The following FNBP1 variants were observed in gnomAD, a reference collection of about 807,000 sequenced individuals.
The protein encoded by FNBP1 is formin-binding protein 1.
Under a neutral mutation model 90.6 loss-of-function variants are expected in FNBP1, and 26 were observed. The ratio of observed to expected loss-of-function variants is 0.29; its 90% CI spans 0.21 to 0.40. FNBP1 has a LOEUF of 0.40. Among genes scored for constraint, FNBP1 ranks in the 10% least tolerant of loss-of-function variants. The pLI, the probability that FNBP1 is intolerant of heterozygous loss-of-function variation, is 1.00. For missense variants in FNBP1, 635 were observed against 768.0 expected (o/e 0.83, Z 2.05); for synonymous variants, 260 against 265.2 (o/e 0.98, Z 0.19).
chr9:130,042,987 C>A lies in FNBP1; in HGVS notation c.-12G>T. The A allele has an allele frequency of 2.4e-6, 3 of 1,225,326 alleles. No individual in the cohort carries two copies. The highest frequency in any genetic ancestry group is 3.0e-6 in the Non-Finnish European group (3 of 983,640). 75.9% of individuals were successfully genotyped at this position (1,225,326 alleles called of 1,614,324 possible). ...GTGCCCCAGCTCATGGTGCAGGGGA[C>A]GCGAAGGGGCGCTCCGCGCGGCGGG... On this transcript the variant is annotated 5_prime_UTR_variant, in exon 1 of 17. Coordinates refer to ENST00000446176, the MANE Select transcript of FNBP1 (RefSeq NM_015033.3). The surrounding 1 kb of genome is among the most constrained non-coding windows in gnomAD (Gnocchi z 5.5).
chr9:129,955,832 C>T (rs966921498), intron 6 of FNBP1, among the ~76,000 whole-genome samples: 5 of 37,468 alleles, frequency 1.3e-4, no homozygotes, highest in African/African-American at 4.2e-4. Flanking sequence ...CTTCTTTTAG[C>T]GCGCACACAC....
chr9:130,017,798 C>A lies in FNBP1; in HGVS notation c.25-22840G>T, dbSNP rs1333342834. 5.3e-5 allele frequency among the ~76,000 whole-genome samples: 8 copies of A among 150,580 alleles called. No homozygotes were observed. In the East Asian group the frequency reaches 1.6e-3, roughly 30 times the overall value. ...TGAGCTAAGATCGCACTACTGCACT[C>A]CAGCCCGGGTGACAGAGTGAGACTC... On this transcript the variant is annotated intron_variant, in intron 1 of 16. Coordinates refer to ENST00000446176, the MANE Select transcript of FNBP1 (RefSeq NM_015033.3).
intron 1 of FNBP1, among the ~76,000 whole-genome samples, chr9:130,005,551 A>C (rs186262679): frequency 4.1e-4 from 63 of 152,076 alleles, no homozygotes; most frequent in Admixed American, 2.3e-3. Flanking sequence ...CCATGTTAGC[A>C]AGGATGGTCT....
At chr9:129,949,728 C>CA (rs113422076) in intron 6 of FNBP1, among the ~76,000 whole-genome samples, 13,554 of 141,140 alleles carry the variant, frequency 0.096, 788 homozygotes, top group African/African-American at 0.18. Context: ...ACAAACAAAA[C>CA]AAAAAAAAAA....
chr9:129,972,523 C>T (rs1443976730), intron 4 of FNBP1, among the ~76,000 whole-genome samples: 2 of 150,964 alleles, frequency 1.3e-5, no homozygotes, highest in East Asian at 1.9e-4. Context: ...AAACATGCTC[C>T]GTTTTCTTTT....
chr9:130,002,108 C>T (rs1013372223), intron 1 of FNBP1, among the ~76,000 whole-genome samples: 2 of 150,060 alleles, frequency 1.3e-5, no homozygotes, highest in African/African-American at 4.9e-5. Flanking sequence ...GCAGGAGAAT[C>T]GCTTGAACCT....
upstream of FNBP1, among the ~76,000 whole-genome samples, chr9:130,046,775 C>A (rs1416490042): frequency 1.0e-3 from 87 of 83,110 alleles, no homozygotes; most frequent in African/African-American, 2.3e-3. Flanking sequence ...GACTTTATCT[C>A]AAAAAAAAAA....
intron 8 of FNBP1, among the ~76,000 whole-genome samples, chr9:129,926,776 C>T (rs2041983789): frequency 6.6e-6 from 1 of 151,706 alleles, no homozygotes; most frequent in Non-Finnish European, 1.5e-5. Context: ...GTCCCAGCTA[C>T]TCAGGAGGCT....
chr9:129,890,717 G>T lies in FNBP1; in HGVS notation c.1847-171C>A, dbSNP rs965831722. Among the ~76,000 whole-genome samples, 41 of 152,310 alleles carry T rather than the reference G, an allele frequency of 2.7e-4. No homozygotes were observed. The highest frequency in any genetic ancestry group is 7.2e-4 in the African/African-American group (30 of 41,568). Reference sequence around the variant, plus strand: ...AGAGCAATCGGTTACCACAGGGCGGGTCTGAGATGAGGAACTTTCACGGTT... The same window carrying T: ...AGAGCAATCGGTTACCACAGGGCGGTTCTGAGATGAGGAACTTTCACGGTT... On this transcript the variant is annotated intron_variant, in intron 16 of 16. Transcript: ENST00000446176. This position sits in a 1 kb window ranked among gnomAD's most constrained non-coding sequence, Gnocchi z 5.8.
At chr9:129,951,692 G>A (rs1313260265) in intron 6 of FNBP1, among the ~76,000 whole-genome samples, 1 of 151,600 alleles carries the variant, frequency 6.6e-6, no homozygotes, top group Non-Finnish European at 1.5e-5. Context: ...CGATCCTCCC[G>A]CCTTGGCCTT....
chr9:129,976,635 C>A lies in FNBP1; in HGVS notation c.345+1830G>T, dbSNP rs1468990672. 3.3e-5 allele frequency among the ~76,000 whole-genome samples: 5 copies of A among 152,164 alleles called. No individual in the cohort carries two copies. In the East Asian group the frequency reaches 9.6e-4, roughly 29 times the overall value. ...TTGTCCCAGGCAGGTCCTAATCATC[C>A]CTCAAGTCTTGTTAAGGCCTTAACT... On this transcript the variant is annotated intron_variant, in intron 4 of 16. Transcript: ENST00000446176.
intron 7 of FNBP1, among the ~76,000 whole-genome samples, chr9:129,927,839 G>C (rs146668057): frequency 0.01 from 1,519 of 149,602 alleles, 18 homozygotes; most frequent in South Asian, 0.041. Context: ...GGCCAGGCTG[G>C]TCTCCAACTC....
intron 1 of FNBP1, among the ~76,000 whole-genome samples, chr9:129,999,921 G>A (rs1406246223): frequency 1.3e-5 from 2 of 152,018 alleles, no homozygotes; most frequent in Non-Finnish European, 2.9e-5. Context: ...TACTTTGGCT[G>A]AAATATGTGA....
intron 2 of FNBP1, among the ~76,000 whole-genome samples, chr9:129,987,820 G>A (rs1453423804): frequency 2.0e-5 from 3 of 151,950 alleles, no homozygotes; most frequent in Admixed American, 2.0e-4. Flanking sequence ...AATATTTAAA[G>A]CTTAGCGCAT....
intron 1 of FNBP1, among the ~76,000 whole-genome samples, chr9:130,019,807 G>A (rs575301908): frequency 2.0e-5 from 3 of 151,950 alleles, no homozygotes; most frequent in Non-Finnish European, 4.4e-5. Flanking sequence ...ACCCAGGTTG[G>A]AGTGCCTCCC....
chr9:130,042,466 C>T lies in FNBP1; in HGVS notation c.24+486G>A, dbSNP rs1228664213. 6.6e-6 allele frequency among the ~76,000 whole-genome samples: 1 copy of T among 152,052 alleles called. No homozygotes were observed. Among genetic ancestry groups the T allele is most frequent in the Non-Finnish European group, 1.5e-5 (1 of 67,962 alleles). Reference sequence around the variant, plus strand: ...CCCAAAACCCGACCCCCGGCGCTCGCCCCGGCCGCCCCGCTCCCGGGGAAG... The same window carrying T: ...CCCAAAACCCGACCCCCGGCGCTCGTCCCGGCCGCCCCGCTCCCGGGGAAG... On this transcript the variant is annotated intron_variant, in intron 1 of 16. Coordinates refer to ENST00000446176, the MANE Select transcript of FNBP1 (RefSeq NM_015033.3). This position sits in a 1 kb window ranked among gnomAD's most constrained non-coding sequence, Gnocchi z 5.5.
At position 129,991,127 on chromosome 9, in the gene FNBP1, G is replaced by A. The variant is rs140956651; in HGVS notation, c.140+3716C>T. Among the ~76,000 whole-genome samples, 1,477 of 151,792 alleles carry A rather than the reference G, an allele frequency of 9.7e-3. 63 individuals carry two copies. Among genetic ancestry groups the A allele is most frequent in the Admixed American group, 0.077 (1,178 of 15,214 alleles). On this transcript the variant is annotated intron_variant, in intron 2 of 16. Transcript: ENST00000446176. ...GTTTTTGTATTTTTAGTAGAGACAG[G>A]GTTTCACCATGTTAGTCAGCTGGTC... is the stretch of plus-strand genomic sequence containing the variant.
At chr9:129,978,440 AG>A in intron 4 of FNBP1, 24 bp downstream of exon 4, 3 of 1,600,340 alleles carry the variant, frequency 1.9e-6, no homozygotes, top group Non-Finnish European at 2.6e-6. Context: ...TCTTTTAGGA[AG>A]AAAAAGAATA....
At chr9:129,940,320 A>G (rs1292812701) in intron 6 of FNBP1, among the ~76,000 whole-genome samples, 1 of 152,224 alleles carries the variant, frequency 6.6e-6, no homozygotes, top group Non-Finnish European at 1.5e-5. Context: ...TGCTCTAAAT[A>G]TAGATCAGGT....
Sources: gnomAD v4.1 joint callset for allele counts (sites outside exome capture counted in the v4.1 genomes callset) on GRCh38, gnomAD v4.1.1 for gene constraint, Gnocchi (gnomAD v3.1) non-coding constraint, MANE v1.5 for transcripts, NCBI Gene and HGNC (gene_info 2026-07-23, HGNC 2026-07-21) for gene names.